The following LCN6 variants were observed in gnomAD, a reference collection of about 807,000 sequenced individuals.
The protein encoded by LCN6 is epididymal-specific lipocalin-6.
In LCN6, 20 loss-of-function variants were observed where a neutral mutation model predicts 21.4. The ratio of observed to expected loss-of-function variants is 0.93; its 90% CI spans 0.66 to 1.36. LCN6 has a LOEUF of 1.36. LCN6 is among the 40% of genes most tolerant of loss of function. The pLI, the probability that LCN6 is intolerant of heterozygous loss-of-function variation, is 0.00. For synonymous variants in LCN6, 96 were observed against 89.0 expected, an observed-to-expected ratio of 1.08 and a Z score of -0.44; for missense variants, 217 against 206.6, an observed-to-expected ratio of 1.05 and a Z score of -0.31.
chr9:136,748,287 T>C, intron 1 of LCN6, 107 bp downstream of exon 1: 1 of 964,372 alleles, frequency 1.0e-6, no homozygotes, highest in Non-Finnish European at 1.6e-6. Flanking sequence ...AATTCCCCAC[T>C]GCTCATGCTG....
At position 136,744,433 on chromosome 9, in the gene LCN6, A is replaced by G; in HGVS notation, c.*23-69T>C. Reference sequence around the variant, plus strand: ...CCCAGCACCCCAGGGCCCCACCCACAAGACTCGCCTGCCGTGGGGACAAGA... The same window carrying G: ...CCCAGCACCCCAGGGCCCCACCCACGAGACTCGCCTGCCGTGGGGACAAGA... On this transcript the variant is annotated intron_variant, in intron 5 of 6. Coordinates refer to ENST00000341206, the MANE Select transcript of LCN6 (RefSeq NM_198946.3). This position sits in a 1 kb window ranked among gnomAD's most constrained non-coding sequence, Gnocchi z 4.2. 2.0e-6 allele frequency: 1 copy of G among 494,602 alleles called. No homozygotes were observed. Among genetic ancestry groups the G allele is most frequent in the East Asian group, 2.9e-5 (1 of 34,040 alleles). The allele number at this position is 494,602 out of a possible 1,614,324, so 30.6% of individuals were successfully genotyped here. A position where few individuals can be genotyped will look rare whatever the true frequency, so the allele number is the denominator to read the frequency against.
In LCN6 at chr9:136,745,807, A is replaced by G. The variant is rs200387514; in HGVS notation, c.301+37T>C. On this transcript the variant is annotated intron_variant, in intron 3 of 6. Transcript: ENST00000341206. ...AGGGGGCCTGGGGATGCTGCAGGGA[A>G]GAACGGCCTGGGTGAGGCCGTGGCC... is the stretch of plus-strand genomic sequence containing the variant. 3.3e-4 allele frequency: 530 copies of G among 1,587,494 alleles called. 3 individuals are homozygous for G. In the African/African-American group the frequency reaches 6.2e-3, roughly 19 times the overall value.
intron 4 of LCN6, among the ~76,000 whole-genome samples, 167 bp downstream of exon 4, chr9:136,745,003 G>A (rs1847016559): frequency 7.2e-6 from 1 of 138,562 alleles, no homozygotes; most frequent in East Asian, 2.1e-4. Context: ...GGCCCCAAGC[G>A]GCCCACTCAC....
Position 136,748,514 on chromosome 9 carries a change from A to G in LCN6, c.-31T>C, listed in dbSNP as rs1847081148. On this transcript the variant is annotated 5_prime_UTR_variant, in exon 1 of 7. Coordinates refer to ENST00000341206, the MANE Select transcript of LCN6 (RefSeq NM_198946.3). ...CAGGTCTACACTGCGCCGCAGGCCC[A>G]GGATGTGCAGTCCCTCCAGGCCCTG... 1 of 1,599,178 alleles carries G rather than the reference A, an allele frequency of 6.3e-7. No homozygotes were observed. The highest frequency in any genetic ancestry group is 1.3e-5 in the African/African-American group (1 of 74,592).
At position 136,744,676 on chromosome 9, in the gene LCN6, A is replaced by G; in HGVS notation, c.478T>C (p.Phe160Leu). The change falls in exon 5 of 7, where the codon TTC becomes CTC. Residue 160 changes from phenylalanine (F) to leucine (L), a missense_variant. Phe to Leu is a conservative substitution (Grantham distance 22). Transcript: ENST00000341206. This position sits in a 1 kb window ranked among gnomAD's most constrained non-coding sequence, Gnocchi z 4.2. Reference protein sequence around the residue: ...LFTKWSRSLGFLSQ With the variant: ...LFTKWSRSLGLLSQ ...AGCTGGGCCTGCTACTGTGACAGGA[A>G]GCCCAGGCTCCTGCTCCACTTGGTG... The G allele has an allele frequency of 6.2e-7, 1 of 1,608,354 alleles. No homozygotes were observed. Among genetic ancestry groups the G allele is most frequent in the Non-Finnish European group, 8.5e-7 (1 of 1,176,496 alleles).
At chr9:136,745,752 G>A in intron 3 of LCN6, 92 bp downstream of exon 3, 9 of 1,110,880 alleles carry the variant, frequency 8.1e-6, no homozygotes, top group South Asian at 1.3e-5. Context: ...TGGCTCTCGG[G>A]AGCGGAGTCA....
rs1847032190 is a variant in LCN6 at position 136,745,999 on chromosome 9, G to GGCCA, written c.231-89_231-86dup. 2.5e-6 allele frequency: 3 copies of GGCCA among 1,211,278 alleles called. No homozygotes were observed. The Admixed American group carries it at 5.2e-5, about 21-fold the overall frequency. The allele number at this position is 1,211,278 out of a possible 1,614,324, so 75.0% of individuals were successfully genotyped here. Reference sequence around the variant, plus strand: ...AGACGGAGCTCAGGAGTCCAGGCCAGGCCAGCCAGCAGTGAGGCCAGAGCT... The same window carrying GGCCA: ...AGACGGAGCTCAGGAGTCCAGGCCAGGCCAGCCAGCCAGCAGTGAGGCCAGAGCT... On this transcript the variant is annotated intron_variant, in intron 2 of 6. Coordinates refer to ENST00000341206, the MANE Select transcript of LCN6 (RefSeq NM_198946.3).
At chr9:136,745,455 C>T in intron 3 of LCN6, 175 bp from the exon 4 acceptor site, 3 of 594,638 alleles carry the variant, frequency 5.0e-6, no homozygotes, top group Non-Finnish European at 9.0e-6. Flanking sequence ...ACCCCCGACC[C>T]CACCTGGTGC....
chr9:136,747,810 C>T (rs1847068212), intron 1 of LCN6, among the ~76,000 whole-genome samples: 2 of 144,772 alleles, frequency 1.4e-5, no homozygotes, highest in Non-Finnish European at 3.1e-5. Context: ...CGCCCTCCAG[C>T]CTCCAACCTT....
Position 136,745,332 on chromosome 9 carries a change from AGGGGCC to A in LCN6, c.302-58_302-53del, listed in dbSNP as rs1588301047. 4 of 1,285,574 alleles carry A rather than the reference AGGGGCC, an allele frequency of 3.1e-6. No individual in the cohort carries two copies. The East Asian group carries it at 9.3e-5, about 30-fold the overall frequency. 79.6% of individuals were successfully genotyped at this position (1,285,574 alleles called of 1,614,324 possible). The stretch of plus-strand genomic sequence containing the variant: ...GGGAGGGCAGCTGCTGTATCCATCC[AGGGGCC>A]GCTGAGCTGATGCTGGCCACAGGGA... On this transcript the variant is annotated intron_variant, in intron 3 of 6. Coordinates refer to ENST00000341206, the MANE Select transcript of LCN6 (RefSeq NM_198946.3).
chr9:136,745,664 G>A, intron 3 of LCN6, 180 bp downstream of exon 3: 1 of 650,436 alleles, frequency 1.5e-6, no homozygotes, highest in Admixed American at 2.6e-5. Context: ...CTGGGAACAA[G>A]GTTCCAATCC....
chr9:136,745,027 A>C (rs1332317062), intron 4 of LCN6, 143 bp downstream of exon 4: 8 of 787,484 alleles, frequency 1.0e-5, no homozygotes, highest in Admixed American at 6.4e-5. Flanking sequence ...ACAGCTCCCC[A>C]CATGGCCCCC....
In LCN6 at chr9:136,745,267, C is replaced by T. The variant is rs1302757244; in HGVS notation, c.315G>A (p.Leu105=). The T allele has an allele frequency of 6.2e-7, 1 of 1,612,790 alleles. No homozygotes were observed. Among genetic ancestry groups the T allele is most frequent in the South Asian group, 1.1e-5 (1 of 91,078 alleles). ...WVFENPSIGV[L]ELWVLATNFR... ...AGTTGGTGGCCAGCACCCAGAGCTC[C>T]AGCACGCCTATTGCTAGGAAACAAA... The change falls in exon 4 of 7, where the codon CTG becomes CTA. Residue 105 remains leucine (L), a synonymous_variant. Coordinates refer to ENST00000341206, the MANE Select transcript of LCN6 (RefSeq NM_198946.3).
At chr9:136,746,109 C>G in intron 2 of LCN6, 195 bp from the exon 3 acceptor site, 1 of 597,554 alleles carries the variant, frequency 1.7e-6, no homozygotes, top group Non-Finnish European at 3.0e-6. Flanking sequence ...GGCGGACACT[C>G]CCATTCACTT....
rs372413612 is a variant in LCN6, at chr9:136,745,204, G to C, written c.378C>G (p.Phe126Leu). ...DYAIIFTQLE[F>L]GDEPFNTVEL... ...CCACGGTGTTGAAGGGCTCGTCCCCGAACTCCAGCTGAGTGAAGATGATGG... is the reference window on the plus strand; with the variant it reads ...CCACGGTGTTGAAGGGCTCGTCCCCCAACTCCAGCTGAGTGAAGATGATGG... Residue 126 changes from phenylalanine to leucine, a missense_variant, in exon 4 of 7, where the codon TTC (phenylalanine) becomes TTG (leucine). Coordinates refer to ENST00000341206, the MANE Select transcript of LCN6 (RefSeq NM_198946.3). 6.2e-7 allele frequency: 1 copy of C among 1,613,474 alleles called. No individual in the cohort carries two copies. Among genetic ancestry groups the C allele is most frequent in the South Asian group, 1.1e-5 (1 of 91,082 alleles).
intron 1 of LCN6, among the ~76,000 whole-genome samples, chr9:136,747,828 T>C (rs1847068771): frequency 8.0e-6 from 1 of 124,694 alleles, no homozygotes. Flanking sequence ...CTTCCAGCCT[T>C]GCAGCCTCTA....
Position 136,744,848 on chromosome 9 carries a change from GGCCCC to G in LCN6, c.413-112_413-108del. The G allele has an allele frequency of 3.7e-6, 3 of 817,148 alleles. No individual in the cohort carries two copies. In the Admixed American group the frequency reaches 6.6e-5, roughly 18 times the overall value. 50.6% of individuals were successfully genotyped at this position (817,148 alleles called of 1,614,324 possible). The stretch of plus-strand genomic sequence containing the variant: ...AGGAGGCCACCTGCCCTGGGATGCT[GGCCCC>G]GGTCCTTCCAAAGCCACCTCCAGTG... On this transcript the variant is annotated intron_variant, in intron 4 of 6. Coordinates refer to ENST00000341206, the MANE Select transcript of LCN6 (RefSeq NM_198946.3). This position sits in a 1 kb window ranked among gnomAD's most constrained non-coding sequence, Gnocchi z 4.2.
At position 136,747,481 on chromosome 9, in the gene LCN6, C is replaced by T. The variant is rs73554091; in HGVS notation, c.173G>A (p.Gly58Glu). 7,452 of 1,613,670 alleles carry T rather than the reference C, an allele frequency of 4.6e-3. 307 individuals are homozygous for T. In the African/African-American group the frequency reaches 0.087, roughly 19 times the overall value. ...AMEKDMKNVV[G>E]VVVTLTPENN... ...TTCTGGAGTGAGGGTCACCACCACC[C>T]CCACGACGTTCTTCATGTCCTTCTC... Residue 58 changes from glycine (G) to glutamate (E), a missense_variant, in exon 2 of 7, where the codon GGG becomes GAG. Gly to Glu is a moderately conservative substitution (Grantham distance 98). Coordinates refer to ENST00000341206, the MANE Select transcript of LCN6 (RefSeq NM_198946.3).
Position 136,744,619 on chromosome 9 carries a change from G to T in LCN6, c.*22+21C>A. The stretch of plus-strand genomic sequence containing the variant: ...GAACTTGCCCCAAGCCTCCCCCGAG[G>T]CTGCTCCGGTGGACACTCACGGTCC... On this transcript the variant is annotated intron_variant, in intron 5 of 6. Transcript: ENST00000341206. The surrounding 1 kb of genome is among the most constrained non-coding windows in gnomAD (Gnocchi z 4.2). 1.3e-6 allele frequency: 2 copies of T among 1,516,172 alleles called. No homozygotes were observed. Among genetic ancestry groups the T allele is most frequent in the South Asian group, 2.3e-5 (2 of 87,346 alleles). The allele number at this position is 1,516,172 out of a possible 1,614,324, so 93.9% of individuals were successfully genotyped here.
Sources: allele counts gnomAD v4.1 joint callset (sites outside exome capture counted in the v4.1 genomes callset), GRCh38; gene constraint gnomAD v4.1.1; non-coding constraint Gnocchi (gnomAD v3.1); transcripts MANE v1.5; gene names NCBI Gene and HGNC (gene_info 2026-07-23, HGNC 2026-07-21).